Variants in SRGAP2 observed in about 807,000 individuals in gnomAD.
SRGAP2 encodes the protein SLIT-ROBO Rho GTPase activating protein 2.
In SRGAP2, 15 loss-of-function variants were observed where a neutral mutation model predicts 57.2. The observed-to-expected ratio is 0.26, with a 90% CI of 0.18 to 0.40. SRGAP2 has a LOEUF of 0.40. Among genes scored for constraint, SRGAP2 ranks in the 10% least tolerant of loss-of-function variants. The pLI is 1.00. For synonymous variants in SRGAP2, 249 were observed against 248.0 expected (o/e 1.00, Z -0.04); for missense variants, 520 against 669.6 (o/e 0.78, Z 2.47).
chr1:206,390,979 G>C (rs1302460822), intron 5 of SRGAP2, among the ~76,000 whole-genome samples: 6 of 152,146 alleles, frequency 3.9e-5, no homozygotes, highest in African/African-American at 1.4e-4. Context: ...GATCGTAGGG[G>C]CTAGATTAGT....
intron 4 of SRGAP2, among the ~76,000 whole-genome samples, chr1:206,355,466 T>A (rs1266724171): frequency 2.6e-5 from 4 of 152,064 alleles, no homozygotes; most frequent in Non-Finnish European, 4.4e-5. Context: ...CCCTCTAGAA[T>A]AGGGCTGTGA....
intron 22 of SRGAP2, among the ~76,000 whole-genome samples, chr1:206,459,559 ACT>A (rs1664098435): frequency 6.6e-6 from 1 of 150,922 alleles, no homozygotes; most frequent in African/African-American, 2.5e-5. Context: ...CGCACTGATG[ACT>A]CTCTGTTTTC....
At chr1:206,359,051 C>G (rs549417208) in intron 4 of SRGAP2, among the ~76,000 whole-genome samples, 1 of 152,228 alleles carries the variant, frequency 6.6e-6, no homozygotes, top group Admixed American at 6.5e-5. Context: ...GGCCGATGTT[C>G]TTTTAATTAC....
intron 17 of SRGAP2, among the ~76,000 whole-genome samples, chr1:206,441,736 T>C (rs1662323488): frequency 6.6e-6 from 1 of 152,210 alleles, no homozygotes; most frequent in Admixed American, 6.5e-5. Flanking sequence ...TGATACTGAC[T>C]CTGCAGTCCC....
Position 206,454,364 on chromosome 1 carries a change from G to A in SRGAP2, c.2361-514G>A. ...ATCAGTAGCCAGAGGGGCCAGGAGAGCAGTGGAGAGACCTGGGACCGGCTT... is the reference window on the plus strand; with the variant it reads ...ATCAGTAGCCAGAGGGGCCAGGAGAACAGTGGAGAGACCTGGGACCGGCTT... On this transcript the variant is annotated intron_variant, in intron 20 of 22. Transcript: ENST00000573034. The surrounding 1 kb of genome is among the most constrained non-coding windows in gnomAD (Gnocchi z 4.3). 1.6e-6 allele frequency: 1 copy of A among 609,876 alleles called. No homozygotes were observed. The highest frequency in any genetic ancestry group is 2.9e-6 in the Non-Finnish European group (1 of 341,826). The allele number at this position is 609,876 out of a possible 1,614,324, so 37.8% of individuals were successfully genotyped here.
At chr1:206,287,781 C>T (rs1281242999) in intron 2 of SRGAP2, among the ~76,000 whole-genome samples, 41 of 85,060 alleles carry the variant, frequency 4.8e-4, no homozygotes, top group Middle Eastern at 4.2e-3. Context: ...GGAAAATATG[C>T]GTTTGTTTGT....
At chr1:206,318,952 A>G (rs1351381731) in intron 3 of SRGAP2, among the ~76,000 whole-genome samples, 8 of 152,072 alleles carry the variant, frequency 5.3e-5, no homozygotes, top group Admixed American at 5.2e-4. Context: ...ACATAGGAGG[A>G]AAAACACACA....
chr1:206,459,249 C>T (rs142892542), intron 22 of SRGAP2, among the ~76,000 whole-genome samples: 2 of 152,230 alleles, frequency 1.3e-5, no homozygotes, highest in African/African-American at 4.8e-5. Flanking sequence ...TTTGAAAGCC[C>T]AAGTTTTGAG....
chr1:206,241,915 T>C (rs530575501), intron 2 of SRGAP2, among the ~76,000 whole-genome samples: 2 of 114,000 alleles, frequency 1.8e-5, no homozygotes, highest in African/African-American at 4.4e-5. Context: ...TGTTTGCGTG[T>C]GTGTGTGTGT....
At chr1:206,318,637 G>T (rs1394008945) in intron 3 of SRGAP2, among the ~76,000 whole-genome samples, 3 of 152,200 alleles carry the variant, frequency 2.0e-5, no homozygotes, top group Non-Finnish European at 1.5e-5. Context: ...AGGAGGCATG[G>T]TGCTGGTGTC....
chr1:206,399,504 A>G (rs1398625612), intron 7 of SRGAP2, among the ~76,000 whole-genome samples: 2 of 152,098 alleles, frequency 1.3e-5, no homozygotes, highest in South Asian at 2.1e-4. Flanking sequence ...GGAAAGTGCC[A>G]TAATTAAAGT....
chr1:206,408,604 C>A (rs1658906411), intron 10 of SRGAP2, among the ~76,000 whole-genome samples: 1 of 151,636 alleles, frequency 6.6e-6, no homozygotes, highest in Admixed American at 6.6e-5. Context: ...TTTAAATGAC[C>A]CAATCTCATT....
chr1:206,430,332 A>T (rs1353419489), intron 14 of SRGAP2, 110 bp downstream of exon 14: 5 of 719,822 alleles, frequency 6.9e-6, no homozygotes, highest in African/African-American at 1.7e-5. Context: ...GCATTCTCAG[A>T]AAAGGAATAA....
At chr1:206,421,824 A>G (rs1344202403) in intron 13 of SRGAP2, among the ~76,000 whole-genome samples, 2 of 152,264 alleles carry the variant, frequency 1.3e-5, no homozygotes, top group Non-Finnish European at 2.9e-5. Context: ...TTGTGTTAAA[A>G]TCTGCCACTG....
chr1:206,283,208 C>T (rs1409988467), intron 2 of SRGAP2, among the ~76,000 whole-genome samples: 9 of 151,830 alleles, frequency 5.9e-5, no homozygotes, highest in African/African-American at 1.9e-4. Context: ...CCTACAGCAT[C>T]GTCTTTTTCC....
chr1:206,384,643 G>A (rs1656022172), intron 5 of SRGAP2, among the ~76,000 whole-genome samples: 2 of 152,000 alleles, frequency 1.3e-5, no homozygotes, highest in African/African-American at 4.8e-5. Context: ...GCAGGCTGCG[G>A]GCTTGGAGAA....
At chr1:206,283,625 G>A (rs1392916768) in intron 2 of SRGAP2, among the ~76,000 whole-genome samples, 1,749 of 151,238 alleles carry the variant, frequency 0.012, 10 homozygotes, top group South Asian at 0.026. Context: ...GCAGTGAGCC[G>A]AGATCATGCC....
At chr1:206,414,029 C>CTTTTTTTTT (rs201058533) in intron 10 of SRGAP2, among the ~76,000 whole-genome samples, 7 of 145,150 alleles carry the variant, frequency 4.8e-5, no homozygotes, top group African/African-American at 1.1e-4. Flanking sequence ...TTTTCTTTTT[C>CTTTTTTTTT]TTTCTTTTTT....
At chr1:206,328,226 G>A (rs1200795701) in intron 3 of SRGAP2, among the ~76,000 whole-genome samples, 4 of 61,348 alleles carry the variant, frequency 6.5e-5, no homozygotes, top group Non-Finnish European at 1.1e-4. Context: ...ATTTGGGTTG[G>A]TTCCAAGTCT....
Sources: gnomAD v4.1 joint callset for allele counts (sites outside exome capture counted in the v4.1 genomes callset) on GRCh38, gnomAD v4.1.1 for gene constraint, Gnocchi (gnomAD v3.1) non-coding constraint, MANE v1.5 for transcripts, NCBI Gene and HGNC (gene_info 2026-07-23, HGNC 2026-07-21) for gene names.